The following DACH1 variants were observed in gnomAD, a reference collection of about 807,000 sequenced individuals.
DACH1 encodes dachshund homolog 1.
A neutral mutation model predicts 54.2 loss-of-function variants in DACH1; 12 were observed. That is an observed-to-expected ratio of 0.22 (90% CI 0.14 to 0.36). DACH1 has a LOEUF of 0.36. Among genes scored for constraint, DACH1 ranks in the 10% least tolerant of loss-of-function variants. The pLI is 1.00. For missense variants in DACH1, 805 were observed against 929.8 expected (o/e 0.87, Z 1.75); for synonymous variants, 386 against 366.2 (o/e 1.05, Z -0.62).
chr13:71,654,264 C>A (rs1487851855), intron 2 of DACH1, among the ~76,000 whole-genome samples: 2 of 151,574 alleles, frequency 1.3e-5, no homozygotes, highest in Non-Finnish European at 2.9e-5. Flanking sequence ...GCGGAGCACA[C>A]CTGTAATCCC....
intron 6 of DACH1, among the ~76,000 whole-genome samples, chr13:71,536,327 A>G (rs1164293371): frequency 1.3e-5 from 2 of 152,106 alleles, no homozygotes; most frequent in African/African-American, 4.8e-5. Flanking sequence ...AGATCTAGGT[A>G]GAGATACTTT....
chr13:71,785,852 A>G (rs1175706709), intron 1 of DACH1, among the ~76,000 whole-genome samples: 3 of 152,054 alleles, frequency 2.0e-5, no homozygotes, highest in Non-Finnish European at 4.4e-5. Flanking sequence ...ACTTTCTTCT[A>G]CCTATTTTTG....
At chr13:71,647,059 T>C (rs1025444596) in intron 2 of DACH1, among the ~76,000 whole-genome samples, 2 of 152,228 alleles carry the variant, frequency 1.3e-5, no homozygotes, top group Non-Finnish European at 2.9e-5. Context: ...GACAACAGAC[T>C]TATAATATTT....
intron 3 of DACH1, among the ~76,000 whole-genome samples, chr13:71,614,617 G>C (rs147626831): frequency 1.2e-4 from 18 of 152,238 alleles, no homozygotes; most frequent in African/African-American, 3.4e-4. Context: ...ACTTTGGGAG[G>C]CCAAGGCAGG....
At chr13:71,775,489 T>C (rs1886030244) in intron 1 of DACH1, among the ~76,000 whole-genome samples, 1 of 152,250 alleles carries the variant, frequency 6.6e-6, no homozygotes, top group Admixed American at 6.5e-5. Flanking sequence ...AATATCTTTG[T>C]ATTGGTTTTA....
At chr13:71,838,868 C>T (rs1485786828) in intron 1 of DACH1, among the ~76,000 whole-genome samples, 1 of 152,208 alleles carries the variant, frequency 6.6e-6, no homozygotes, top group Non-Finnish European at 1.5e-5. Flanking sequence ...TGGTTTGCAG[C>T]AGCTTTTCTA....
chr13:71,475,785 C>T lies in DACH1; in HGVS notation c.1935G>A (p.Glu645=). ...CTTGTTCACGCCGTTTCGTCTCAAA[C>T]TCAAGTGCTTCCTGCAATTTTCTCT... ...KAKRKLQEAL[E]FETKRREQAE... is the part of the protein sequence containing the mutation. The change falls in exon 9 of 11, where the codon GAG becomes GAA. Residue 645 remains glutamate, a synonymous_variant. Coordinates refer to ENST00000613252, the MANE Select transcript of DACH1 (RefSeq NM_080759.6). 1 of 1,613,790 alleles carries T rather than the reference C, an allele frequency of 6.2e-7. No homozygotes were observed. Among genetic ancestry groups the T allele is most frequent in the South Asian group, 1.1e-5 (1 of 91,066 alleles).
chr13:71,452,897 ATTAAG>A (rs1254746072), intron 10 of DACH1, among the ~76,000 whole-genome samples: 12 of 152,270 alleles, frequency 7.9e-5, no homozygotes, highest in Admixed American at 3.9e-4. Flanking sequence ...TGAAATAAAT[ATTAAG>A]TTATCTTTTA....
chr13:71,452,685 T>G (rs1415113095), intron 10 of DACH1, among the ~76,000 whole-genome samples: 3 of 152,168 alleles, frequency 2.0e-5, no homozygotes, highest in Admixed American at 2.0e-4. Flanking sequence ...AACAGAGTTC[T>G]CCAGAAATAC....
chr13:71,483,360 T>A (rs1878215364), intron 7 of DACH1, among the ~76,000 whole-genome samples: 1 of 147,328 alleles, frequency 6.8e-6, no homozygotes, highest in African/African-American at 2.5e-5. Context: ...TATATAATTA[T>A]ATATTATAAT....
intron 3 of DACH1, among the ~76,000 whole-genome samples, chr13:71,573,775 A>G (rs1414853391): frequency 6.6e-6 from 1 of 152,110 alleles, no homozygotes; most frequent in Non-Finnish European, 1.5e-5. Flanking sequence ...TCTCAAAATT[A>G]AAAAAATATA....
At chr13:71,552,207 A>G (rs1883861312) in intron 6 of DACH1, among the ~76,000 whole-genome samples, 1 of 152,036 alleles carries the variant, frequency 6.6e-6, no homozygotes, top group Non-Finnish European at 1.5e-5. Flanking sequence ...ATTGATTTGC[A>G]TTTCATTTCT....
At chr13:71,666,775 G>T (rs1035866057) in intron 2 of DACH1, among the ~76,000 whole-genome samples, 1 of 152,272 alleles carries the variant, frequency 6.6e-6, no homozygotes, top group East Asian at 1.9e-4. Flanking sequence ...TGAGTCAGGA[G>T]TTCGAGACCA....
At chr13:71,519,739 CA>C (rs929375650) in intron 6 of DACH1, among the ~76,000 whole-genome samples, 2 of 149,848 alleles carry the variant, frequency 1.3e-5, no homozygotes, top group African/African-American at 4.9e-5. Context: ...AACATAAGTA[CA>C]AAATGAATTC....
chr13:71,549,369 C>T (rs1054249236), intron 6 of DACH1, among the ~76,000 whole-genome samples: 1 of 151,948 alleles, frequency 6.6e-6, no homozygotes, highest in East Asian at 1.9e-4. Context: ...CTACACCTAC[C>T]GTATTAAGAA....
chr13:71,558,205 C>G (rs1412246970), intron 5 of DACH1, among the ~76,000 whole-genome samples: 1 of 151,942 alleles, frequency 6.6e-6, no homozygotes, highest in African/African-American at 2.4e-5. Context: ...ATTGAGATAT[C>G]ACTTTCAGAG....
intron 2 of DACH1, among the ~76,000 whole-genome samples, chr13:71,641,538 G>C (rs1329772869): frequency 6.6e-6 from 1 of 152,152 alleles, no homozygotes. Flanking sequence ...GCCAGTTGTA[G>C]TGCTTTGAAA....
At chr13:71,502,166 C>A (rs1879970376) in intron 6 of DACH1, among the ~76,000 whole-genome samples, 1 of 152,074 alleles carries the variant, frequency 6.6e-6, no homozygotes, top group South Asian at 2.1e-4. Flanking sequence ...CCATTTCACT[C>A]CTCCGCCTTA....
intron 1 of DACH1, among the ~76,000 whole-genome samples, chr13:71,789,032 T>C (rs947522129): frequency 3.9e-5 from 6 of 152,124 alleles, no homozygotes; most frequent in Non-Finnish European, 7.4e-5. Flanking sequence ...CTTATTAAAA[T>C]TCCTTCTCCA....
Sources: allele counts gnomAD v4.1 joint callset (sites outside exome capture counted in the v4.1 genomes callset), GRCh38; gene constraint gnomAD v4.1.1; transcripts MANE v1.5; gene names NCBI Gene and HGNC (gene_info 2026-07-23, HGNC 2026-07-21).